The following ADGRL4 variants were observed in gnomAD, a reference collection of about 807,000 sequenced individuals.
ADGRL4 encodes the protein EGF, latrophilin and seven transmembrane domain containing 1.
ADGRL4 carries 90 observed loss-of-function variants against 74.8 expected under a neutral mutation model. That is an observed-to-expected ratio of 1.20 (90% CI 1.02 to 1.43). The LOEUF is 1.43. Ranked by LOEUF, ADGRL4 falls within the 40% of genes most tolerant of loss-of-function variation. The pLI is 0.00. For missense variants in ADGRL4, 881 were observed against 814.3 expected, an observed-to-expected ratio of 1.08 and a Z score of -1.00; for synonymous variants, 311 against 279.2, an observed-to-expected ratio of 1.11 and a Z score of -1.14.
rs181159846 is a variant in ADGRL4, at chr1:78,897,008, C to T, written c.1750-3819G>A. On this transcript the variant is annotated intron_variant, in intron 12 of 14. Coordinates refer to ENST00000370742, the MANE Select transcript of ADGRL4 (RefSeq NM_022159.4). The stretch of plus-strand genomic sequence containing the variant: ...CCTCATCACTCTGTTTAAATGCCAT[C>T]TTGCCTACATACTCCCTGCCATGTG... Among the ~76,000 whole-genome samples, 303 of 152,244 alleles carry T rather than the reference C, an allele frequency of 2.0e-3. 2 individuals carry two copies. The highest frequency in any genetic ancestry group is 1.8e-3 in the Non-Finnish European group (122 of 68,008).
At chr1:78,951,530 G>A (rs80009832) in intron 2 of ADGRL4, among the ~76,000 whole-genome samples, 64 of 152,194 alleles carry the variant, frequency 4.2e-4, no homozygotes, top group African/African-American at 1.3e-3. Flanking sequence ...TTATCTACTC[G>A]TTTAGTTATT....
intron 2 of ADGRL4, among the ~76,000 whole-genome samples, chr1:78,951,108 C>T (rs149790565): frequency 0.013 from 1,972 of 152,274 alleles, 43 homozygotes; most frequent in African/African-American, 0.045. Context: ...AAGCCTGCTG[C>T]TTTTCTTTGT....
At chr1:78,925,464 A>T (rs1649091922) in intron 8 of ADGRL4, among the ~76,000 whole-genome samples, 1 of 152,012 alleles carries the variant, frequency 6.6e-6, no homozygotes, top group Admixed American at 6.6e-5. Context: ...TATTCTTCTG[A>T]GGTACTGTAG....
At chr1:78,916,832 A>G (rs555562361) in intron 12 of ADGRL4, among the ~76,000 whole-genome samples, 1 of 152,018 alleles carries the variant, frequency 6.6e-6, no homozygotes, top group South Asian at 2.1e-4. Context: ...ATTCCACTCT[A>G]GAGTTTTGTC....
intron 12 of ADGRL4, among the ~76,000 whole-genome samples, chr1:78,915,377 G>A (rs1648850060): frequency 1.3e-5 from 2 of 151,826 alleles, no homozygotes; most frequent in Admixed American, 1.3e-4. Context: ...AAATTCTACA[G>A]TCATTCTAGC....
At chr1:78,927,226 T>C in intron 7 of ADGRL4, 135 bp from the exon 8 acceptor site, 2 of 626,104 alleles carry the variant, frequency 3.2e-6, no homozygotes, top group Non-Finnish European at 2.8e-6. Flanking sequence ...TACTGAAATA[T>C]AGACCACAAT....
chr1:78,986,705 A>G (rs4650623), intron 2 of ADGRL4, among the ~76,000 whole-genome samples: 13,793 of 151,812 alleles, frequency 0.091, 868 homozygotes, highest in East Asian at 0.35. Flanking sequence ...AACTTATAAA[A>G]TAACATTCAA....
chr1:78,910,737 A>G (rs1023966085), intron 12 of ADGRL4, among the ~76,000 whole-genome samples: 2 of 151,842 alleles, frequency 1.3e-5, no homozygotes, highest in African/African-American at 4.8e-5. Flanking sequence ...TTGCTTTACA[A>G]AGATTTAGAC....
At chr1:78,966,259 C>T (rs12024704) in intron 2 of ADGRL4, among the ~76,000 whole-genome samples, 129 of 152,154 alleles carry the variant, frequency 8.5e-4, no homozygotes, top group Admixed American at 2.6e-3. Context: ...AATCTGTGAT[C>T]GGGGAAGCAC....
chr1:78,966,086 TAC>T (rs1650050228), intron 2 of ADGRL4, among the ~76,000 whole-genome samples: 1 of 152,020 alleles, frequency 6.6e-6, no homozygotes, highest in African/African-American at 2.4e-5. Context: ...ACAAATAAGC[TAC>T]AGAGTCATAA....
chr1:78,958,478 A>G (rs1425587951), intron 2 of ADGRL4, among the ~76,000 whole-genome samples: 2 of 152,094 alleles, frequency 1.3e-5, no homozygotes, highest in Non-Finnish European at 2.9e-5. Context: ...ACCCTCATAG[A>G]TGACTTGGAG....
At chr1:78,978,397 T>C (rs768889796) in intron 2 of ADGRL4, among the ~76,000 whole-genome samples, 18 of 151,894 alleles carry the variant, frequency 1.2e-4, no homozygotes, top group African/African-American at 1.4e-4. Flanking sequence ...ATTGTAGAAG[T>C]GAAAGGCATC....
At chr1:78,936,773 GTTTGAGTGATAATTCC>G (rs1317130355) in intron 6 of ADGRL4, among the ~76,000 whole-genome samples, 1 of 152,106 alleles carries the variant, frequency 6.6e-6, no homozygotes, top group African/African-American at 2.4e-5. Context: ...TTAATTAAAC[GTTTGAGTGATAATTCC>G]TTTGACCTGC....
At chr1:78,988,960 CATA>C (rs1026475552) in intron 2 of ADGRL4, among the ~76,000 whole-genome samples, 4 of 151,716 alleles carry the variant, frequency 2.6e-5, no homozygotes, top group African/African-American at 9.7e-5. Flanking sequence ...TTACAAATTT[CATA>C]ATAATAATTA....
intron 3 of ADGRL4, among the ~76,000 whole-genome samples, chr1:78,945,177 A>AATATATATATATAT (rs36107474): frequency 7.8e-6 from 1 of 127,922 alleles, no homozygotes; most frequent in African/African-American, 2.9e-5. Flanking sequence ...AAAAAAAAAA[A>AATATATATATATAT]ATATATATAT....
intron 3 of ADGRL4, 135 bp from the exon 4 acceptor site, chr1:78,939,393 C>T (rs1442388095): frequency 1.0e-6 from 1 of 991,982 alleles, no homozygotes; most frequent in East Asian, 3.7e-5. Flanking sequence ...ATTTCCTCTT[C>T]AGTTTTAGAA....
chr1:78,935,946 AC>A lies in ADGRL4; in HGVS notation c.877+348del, dbSNP rs1435753708. Among the ~76,000 whole-genome samples, 4 of 48,800 alleles carry A rather than the reference AC, an allele frequency of 8.2e-5. 1 individual carries two copies. Among genetic ancestry groups the A allele is most frequent in the African/African-American group, 2.5e-4 (4 of 16,314 alleles). The allele number at this position is 48,800 out of a possible 152,430, so 32.0% of individuals were successfully genotyped here. On this transcript the variant is annotated intron_variant, in intron 7 of 14. Coordinates refer to ENST00000370742, the MANE Select transcript of ADGRL4 (RefSeq NM_022159.4). ...AGACCATCCTGGCTAACACGGTGAA[AC>A]CCCGTCTCTACTAAAAATACAAAAA...
In ADGRL4 at chr1:78,890,120, C is replaced by A. The variant is rs928028256; in HGVS notation, c.*1034G>T. 1.9e-5 allele frequency: 3 copies of A among 155,744 alleles called. No homozygotes were observed. Among genetic ancestry groups the A allele is most frequent in the African/African-American group, 7.2e-5 (3 of 41,408 alleles). The allele number at this position is 155,744 out of a possible 1,614,324, so 9.6% of individuals were successfully genotyped here. The stretch of plus-strand genomic sequence containing the variant: ...ATAACAATTTTAAGTGTGTACTTTT[C>A]TGAACAGAAAAAATAGCAATTCACT... On this transcript the variant is annotated 3_prime_UTR_variant, in exon 15 of 15. Coordinates refer to ENST00000370742, the MANE Select transcript of ADGRL4 (RefSeq NM_022159.4).
chr1:78,916,211 CT>C (rs1391159004), intron 12 of ADGRL4, among the ~76,000 whole-genome samples: 2 of 151,888 alleles, frequency 1.3e-5, no homozygotes, highest in Non-Finnish European at 2.9e-5. Context: ...CTTCCCCTTT[CT>C]TATTTTAGAG....
Sources: allele counts gnomAD v4.1 joint callset (sites outside exome capture counted in the v4.1 genomes callset), GRCh38; gene constraint gnomAD v4.1.1; transcripts MANE v1.5; gene names NCBI Gene and HGNC (gene_info 2026-07-23, HGNC 2026-07-21).